Variants in UBE2E1 observed in about 807,000 individuals in gnomAD.
The protein encoded by UBE2E1 is ubiquitin-conjugating enzyme E2 E1.
In UBE2E1, 6 loss-of-function variants were observed where a neutral mutation model predicts 21.4. The ratio of observed to expected loss-of-function variants is 0.28; its 90% CI spans 0.15 to 0.55. The LOEUF is 0.55. Ranked by LOEUF, UBE2E1 falls within the 20% of genes least tolerant of loss-of-function variation. The pLI is 0.93. For synonymous variants in UBE2E1, 87 were observed against 82.7 expected, an observed-to-expected ratio of 1.05 and a Z score of -0.28; for missense variants, 142 against 236.5, an observed-to-expected ratio of 0.60 and a Z score of 2.62.
Position 23,887,443 on chromosome 3 carries a change from T to C in UBE2E1, c.204-124T>C. 7.6e-7 allele frequency: 1 copy of C among 1,321,570 alleles called. No homozygotes were observed. The highest frequency in any genetic ancestry group is 1.0e-6 in the Non-Finnish European group (1 of 995,228). The allele number at this position is 1,321,570 out of a possible 1,614,324, so 81.9% of individuals were successfully genotyped here. A position where few individuals can be genotyped will look rare whatever the true frequency, so the allele number is the denominator to read the frequency against. On this transcript the variant is annotated intron_variant, in intron 3 of 5. Coordinates refer to ENST00000306627, the MANE Select transcript of UBE2E1 (RefSeq NM_003341.5). The surrounding 1 kb of genome is among the most constrained non-coding windows in gnomAD (Gnocchi z 4.4). Reference sequence around the variant, plus strand: ...TTCTGCATCCGTTTCTGTACTTGTTTTGTAAAGAGAATCCACACAGTAAAC... The same window carrying C: ...TTCTGCATCCGTTTCTGTACTTGTTCTGTAAAGAGAATCCACACAGTAAAC...
At chr3:23,884,420 T>C (rs1372092330) in intron 3 of UBE2E1, among the ~76,000 whole-genome samples, 2 of 152,188 alleles carry the variant, frequency 1.3e-5, no homozygotes, top group Non-Finnish European at 2.9e-5. Context: ...CACTTAAATA[T>C]ATGGATTCTT....
chr3:23,885,509 A>G (rs1701161517), intron 3 of UBE2E1, among the ~76,000 whole-genome samples: 1 of 152,206 alleles, frequency 6.6e-6, no homozygotes, highest in Admixed American at 6.5e-5. Context: ...ATATCGTGTA[A>G]AACTATGAAG....
At chr3:23,889,589 A>G (rs1424631269) in intron 5 of UBE2E1, 1 of 985,214 alleles carries the variant, frequency 1.0e-6, no homozygotes, top group African/African-American at 1.7e-5. Flanking sequence ...AGACACTTCT[A>G]AATGTCGAGT....
intron 3 of UBE2E1, among the ~76,000 whole-genome samples, chr3:23,861,230 A>T (rs532256103): frequency 6.6e-6 from 1 of 152,146 alleles, no homozygotes; most frequent in East Asian, 1.9e-4. Context: ...TTTTGTTTCC[A>T]TTGCCAGTGC....
At chr3:23,811,901 C>T (rs1699401177) in intron 3 of UBE2E1, among the ~76,000 whole-genome samples, 2 of 152,266 alleles carry the variant, frequency 1.3e-5, no homozygotes, top group South Asian at 2.1e-4. Flanking sequence ...CTCTGCTAAG[C>T]TAAGAGAACA....
intron 3 of UBE2E1, among the ~76,000 whole-genome samples, chr3:23,845,165 G>A (rs973503051): frequency 7.2e-5 from 11 of 152,166 alleles, no homozygotes; most frequent in Non-Finnish European, 1.2e-4. Context: ...GATTTCCTAA[G>A]TGTAGCTTCA....
rs1294465526 is a variant in UBE2E1, at chr3:23,816,317, G to A, written c.203+4807G>A. 6.6e-6 allele frequency among the ~76,000 whole-genome samples: 1 copy of A among 152,118 alleles called. No individual in the cohort carries two copies. Reference sequence around the variant, plus strand: ...CCAAGTGTCTGTCAACAGATGAGTGGATAAACAAAATTTGGTTAATCTATA... The same window carrying A: ...CCAAGTGTCTGTCAACAGATGAGTGAATAAACAAAATTTGGTTAATCTATA... On this transcript the variant is annotated intron_variant, in intron 3 of 5. Coordinates refer to ENST00000306627, the MANE Select transcript of UBE2E1 (RefSeq NM_003341.5). The surrounding 1 kb of genome is among the most constrained non-coding windows in gnomAD (Gnocchi z 4.8).
rs1283299245 is a variant in UBE2E1, at chr3:23,870,820, TGCGGCCTTCC to T, written c.204-16744_204-16735del. ...TCTGGTTTTCCTAGGCAGAGGACCC[TGCGGCCTTCC>T]GCAGTGTTTGTGTCCCTGGGTACTT... On this transcript the variant is annotated intron_variant, in intron 3 of 5. Transcript: ENST00000306627. The surrounding 1 kb of genome is among the most constrained non-coding windows in gnomAD (Gnocchi z 4.2). Among the ~76,000 whole-genome samples, 3 of 127,450 alleles carry T rather than the reference TGCGGCCTTCC, an allele frequency of 2.4e-5. No homozygotes were observed. Among genetic ancestry groups the T allele is most frequent in the Non-Finnish European group, 5.7e-5 (3 of 52,978 alleles). The allele number at this position is 127,450 out of a possible 152,430, so 83.6% of individuals were successfully genotyped here. A position where few individuals can be genotyped will look rare whatever the true frequency, so the allele number is the denominator to read the frequency against.
chr3:23,816,928 G>T lies in UBE2E1; in HGVS notation c.203+5418G>T, dbSNP rs568140554. On this transcript the variant is annotated intron_variant, in intron 3 of 5. Coordinates refer to ENST00000306627, the MANE Select transcript of UBE2E1 (RefSeq NM_003341.5). This position sits in a 1 kb window ranked among gnomAD's most constrained non-coding sequence, Gnocchi z 4.8. The stretch of plus-strand genomic sequence containing the variant: ...TTTTGGAAATAATGGTGATGGTTGC[G>T]CAATATTGTGAATGTAATTAATGCC... 1.3e-5 allele frequency among the ~76,000 whole-genome samples: 2 copies of T among 152,088 alleles called. No individual in the cohort carries two copies. Among genetic ancestry groups the T allele is most frequent in the Non-Finnish European group, 2.9e-5 (2 of 68,018 alleles).
Position 23,853,421 on chromosome 3 carries a change from T to G in UBE2E1, c.204-34146T>G, listed in dbSNP as rs761448085. Reference sequence around the variant, plus strand: ...TGTGGGTTTATCATTAGTGTCTGTTTAAGAGCCAAGCATTTTAATTTTGAT... The same window carrying G: ...TGTGGGTTTATCATTAGTGTCTGTTGAAGAGCCAAGCATTTTAATTTTGAT... On this transcript the variant is annotated intron_variant, in intron 3 of 5. Transcript: ENST00000306627. This position sits in a 1 kb window ranked among gnomAD's most constrained non-coding sequence, Gnocchi z 4.1. 6.6e-6 allele frequency among the ~76,000 whole-genome samples: 1 copy of G among 152,228 alleles called. No homozygotes were observed. Among genetic ancestry groups the G allele is most frequent in the African/African-American group, 2.4e-5 (1 of 41,450 alleles).
In UBE2E1 at chr3:23,842,198, G is replaced by GGGGGGT. The variant is rs1553637704; in HGVS notation, c.203+30689_203+30690insGGGGTG. ...TATGTCATGACCCAGTAAGTGAAGG[G>GGGGGGT]GTGTGTGTGTGTGTGTGTGTGTGTG... On this transcript the variant is annotated intron_variant, in intron 3 of 5. Coordinates refer to ENST00000306627, the MANE Select transcript of UBE2E1 (RefSeq NM_003341.5). The surrounding 1 kb of genome is among the most constrained non-coding windows in gnomAD (Gnocchi z 4.6). 9.6e-5 allele frequency among the ~76,000 whole-genome samples: 10 copies of GGGGGGT among 104,284 alleles called. No homozygotes were observed. Among genetic ancestry groups the GGGGGGT allele is most frequent in the Non-Finnish European group, 1.2e-4 (6 of 50,894 alleles). 68.4% of individuals were successfully genotyped at this position (104,284 alleles called of 152,430 possible).
In UBE2E1 at chr3:23,812,916, A is replaced by G. The variant is rs74545360; in HGVS notation, c.203+1406A>G. ...TTATTAATAACATTGATTAAAACAT[A>G]TAATGGCTTTCTTGTGAATAAGCAC... On this transcript the variant is annotated intron_variant, in intron 3 of 5. Transcript: ENST00000306627. Among the ~76,000 whole-genome samples the G allele has an allele frequency of 1.2e-3, 186 of 152,274 alleles. 1 individual carries two copies. Among genetic ancestry groups the G allele is most frequent in the African/African-American group, 4.5e-3 (185 of 41,552 alleles).
At position 23,822,390 on chromosome 3, in the gene UBE2E1, TTAACA is replaced by T. The variant is rs375581959; in HGVS notation, c.203+10883_203+10887del. Among the ~76,000 whole-genome samples the T allele has an allele frequency of 4.0e-3, 609 of 152,352 alleles. 6 individuals carry two copies. The highest frequency in any genetic ancestry group is 0.013 in the African/African-American group (545 of 41,586). Reference sequence around the variant, plus strand: ...TTTCTACACTTTAGGGCAGAATTTCTTAACATAGTATATATAATTTTGTGGGGAGG... The same window carrying T: ...TTTCTACACTTTAGGGCAGAATTTCTTAGTATATATAATTTTGTGGGGAGG... On this transcript the variant is annotated intron_variant, in intron 3 of 5. Coordinates refer to ENST00000306627, the MANE Select transcript of UBE2E1 (RefSeq NM_003341.5).
At chr3:23,878,775 A>T (rs941986668) in intron 3 of UBE2E1, among the ~76,000 whole-genome samples, 1 of 152,342 alleles carries the variant, frequency 6.6e-6, no homozygotes, top group East Asian at 1.9e-4. Flanking sequence ...GTTGCAGGAA[A>T]ACAAGCTCGG....
At chr3:23,852,450 T>C (rs1206255166) in intron 3 of UBE2E1, among the ~76,000 whole-genome samples, 1 of 152,218 alleles carries the variant, frequency 6.6e-6, no homozygotes, top group East Asian at 1.9e-4. Context: ...GGTTTTTGTG[T>C]ATTAATTTTG....
At chr3:23,812,610 G>A (rs1699424119) in intron 3 of UBE2E1, among the ~76,000 whole-genome samples, 1 of 152,202 alleles carries the variant, frequency 6.6e-6, no homozygotes, top group Admixed American at 6.5e-5. Flanking sequence ...GTTTTGTAAG[G>A]AAAGTCATTT....
chr3:23,867,102 T>C (rs1700673177), intron 3 of UBE2E1, among the ~76,000 whole-genome samples: 1 of 152,024 alleles, frequency 6.6e-6, no homozygotes, highest in South Asian at 2.1e-4. Context: ...TTTTTAAATG[T>C]ATTTCTTTAT....
At chr3:23,847,603 T>G (rs1700235291) in intron 3 of UBE2E1, among the ~76,000 whole-genome samples, 1 of 150,456 alleles carries the variant, frequency 6.6e-6, no homozygotes, top group Admixed American at 6.7e-5. Context: ...CATGCCATTC[T>G]CTTGCCTCAG....
intron 3 of UBE2E1, among the ~76,000 whole-genome samples, chr3:23,849,323 T>C (rs1219867575): frequency 6.6e-6 from 1 of 152,180 alleles, no homozygotes; most frequent in Non-Finnish European, 1.5e-5. Context: ...TTTTCTTTCT[T>C]TTTAAAAAAA....
Sources: gnomAD v4.1 joint callset for allele counts (sites outside exome capture counted in the v4.1 genomes callset) on GRCh38, gnomAD v4.1.1 for gene constraint, Gnocchi (gnomAD v3.1) non-coding constraint, MANE v1.5 for transcripts, NCBI Gene and HGNC (gene_info 2026-07-23, HGNC 2026-07-21) for gene names.